SGCZ: variants seen among roughly 807,000 people sequenced by gnomAD.
The protein encoded by SGCZ is sarcoglycan zeta, also known as zeta-sarcoglycan.
SGCZ carries 40 observed loss-of-function variants against 41.3 expected under a neutral mutation model. The ratio of observed to expected loss-of-function variants is 0.97; its 90% confidence interval spans 0.75 to 1.26. The LOEUF (loss-of-function observed/expected upper bound fraction) is 1.26, where lower values mean the gene tolerates loss of function less well. Among genes scored for constraint, SGCZ ranks in the 50% most tolerant of loss-of-function variants. The pLI is 0.00. For synonymous variants in SGCZ, 206 were observed against 137.5 expected (o/e 1.50, Z -3.49); for missense variants, 552 against 369.8 (o/e 1.49, Z -4.04).
chr8:14,398,182 T>G (rs751905960), intron 2 of SGCZ, among the ~76,000 whole-genome samples: 2 of 152,170 alleles, frequency 1.3e-5, no homozygotes, highest in African/African-American at 2.4e-5. Flanking sequence ...CTGATAGACC[T>G]GAATTCAGCT....
chr8:14,422,107 T>C (rs1563318775), intron 2 of SGCZ, among the ~76,000 whole-genome samples: 1 of 152,146 alleles, frequency 6.6e-6, no homozygotes, highest in Non-Finnish European at 1.5e-5. Context: ...GTTTTAACAG[T>C]GGGTTCATTC....
chr8:14,378,702 A>G (rs762927229), intron 2 of SGCZ, among the ~76,000 whole-genome samples: 4 of 152,196 alleles, frequency 2.6e-5, no homozygotes, highest in Non-Finnish European at 5.9e-5. Flanking sequence ...CAGTAGGGAC[A>G]GTCTTGGGGA....
chr8:14,162,686 A>G (rs1013568654), intron 5 of SGCZ: 1 of 152,046 alleles, frequency 6.6e-6, no homozygotes, highest in Admixed American at 6.6e-5. Flanking sequence ...ATTCATGGGG[A>G]CCATCCTAAA....
At chr8:14,749,826 A>C (rs1348074765) in intron 1 of SGCZ, among the ~76,000 whole-genome samples, 1 of 152,184 alleles carries the variant, frequency 6.6e-6, no homozygotes, top group Admixed American at 6.6e-5. Flanking sequence ...AATTTTTAAA[A>C]ATTAACTAAA....
intron 1 of SGCZ, among the ~76,000 whole-genome samples, chr8:14,810,093 C>G (rs1295377848): frequency 6.6e-6 from 1 of 151,744 alleles, no homozygotes; most frequent in African/African-American, 2.4e-5. Flanking sequence ...AATTTCAGTG[C>G]TGAAGGTAAG....
At position 14,851,313 on chromosome 8, in the gene SGCZ, A is replaced by G. The variant is rs181375546; in HGVS notation, c.40-296387T>C. Among the ~76,000 whole-genome samples the G allele has an allele frequency of 6.1e-5, 9 of 148,256 alleles. No individual in the cohort carries two copies. The East Asian group carries it at 1.0e-3, about 16-fold the overall frequency. On this transcript the variant is annotated intron_variant, in intron 1 of 7. Transcript: ENST00000382080. ...GAACCTGGGAGGCAGAGCTTGCAGT[A>G]AGCCAAGATCATGCCACTGCACTCC...
At chr8:14,601,985 T>A (rs893081809) in intron 1 of SGCZ, among the ~76,000 whole-genome samples, 1 of 151,884 alleles carries the variant, frequency 6.6e-6, no homozygotes, top group Non-Finnish European at 1.5e-5. Flanking sequence ...CCGGGCCTGG[T>A]GGCGGGCGCC....
chr8:14,531,929 A>G (rs1803144978), intron 2 of SGCZ, among the ~76,000 whole-genome samples: 1 of 152,132 alleles, frequency 6.6e-6, no homozygotes, highest in African/African-American at 2.4e-5. Context: ...ACAAGCCTTA[A>G]TTTAATAGGA....
chr8:14,932,893 C>A lies in SGCZ; in HGVS notation c.39+304692G>T, dbSNP rs1211365615. 2.6e-5 allele frequency among the ~76,000 whole-genome samples: 4 copies of A among 152,050 alleles called. No individual in the cohort carries two copies. The East Asian group carries it at 7.7e-4, about 29-fold the overall frequency. Reference sequence around the variant, plus strand: ...AACTGTGCATCTAGTGGTAAGTAAGCACTAAATCTGGCATTCATTTCAAGA... The same window carrying A: ...AACTGTGCATCTAGTGGTAAGTAAGAACTAAATCTGGCATTCATTTCAAGA... On this transcript the variant is annotated intron_variant, in intron 1 of 7. Transcript: ENST00000382080.
intron 1 of SGCZ, among the ~76,000 whole-genome samples, chr8:14,762,953 G>A (rs1799938060): frequency 6.6e-6 from 1 of 152,164 alleles, no homozygotes; most frequent in African/African-American, 2.4e-5. Context: ...AAAATTTGCT[G>A]AATCAGTCTG....
intron 2 of SGCZ, among the ~76,000 whole-genome samples, chr8:14,341,184 G>C (rs1436367705): frequency 1.3e-5 from 2 of 152,066 alleles, no homozygotes; most frequent in Non-Finnish European, 2.9e-5. Context: ...CTGTCAATGA[G>C]CACTTGGGTT....
At chr8:14,975,221 A>G (rs1239932404) in intron 1 of SGCZ, among the ~76,000 whole-genome samples, 1 of 152,100 alleles carries the variant, frequency 6.6e-6, no homozygotes, top group Non-Finnish European at 1.5e-5. Context: ...CAGGAGAATC[A>G]TTTGAACCCG....
rs536358385 is a variant in SGCZ, at chr8:14,838,594, C to G, written c.40-283668G>C. ...GAAGCTGTTTACCTCCCCTGCCTTGCTTTTCCCTTAGAATTCCCAGTGAAG... is the reference window on the plus strand; with the variant it reads ...GAAGCTGTTTACCTCCCCTGCCTTGGTTTTCCCTTAGAATTCCCAGTGAAG... On this transcript the variant is annotated intron_variant, in intron 1 of 7. Coordinates refer to ENST00000382080, the MANE Select transcript of SGCZ (RefSeq NM_139167.4). Among the ~76,000 whole-genome samples, 3 of 152,274 alleles carry G rather than the reference C, an allele frequency of 2.0e-5. No individual in the cohort carries two copies. The South Asian group carries it at 6.2e-4, about 32-fold the overall frequency.
chr8:14,286,432 G>T (rs546037877), intron 3 of SGCZ, among the ~76,000 whole-genome samples: 1 of 150,544 alleles, frequency 6.6e-6, no homozygotes, highest in Non-Finnish European at 1.5e-5. Flanking sequence ...AGATAACTCA[G>T]CTGGGACAAA....
At chr8:14,511,319 C>T (rs879584156) in intron 2 of SGCZ, among the ~76,000 whole-genome samples, 5 of 151,994 alleles carry the variant, frequency 3.3e-5, no homozygotes, top group Admixed American at 6.6e-5. Flanking sequence ...TCTATGGCTA[C>T]GTTTTATGGA....
chr8:14,659,587 T>C (rs906039714), intron 1 of SGCZ, among the ~76,000 whole-genome samples: 2 of 152,164 alleles, frequency 1.3e-5, no homozygotes, highest in African/African-American at 4.8e-5. Flanking sequence ...TGAGAGCCCA[T>C]TCCAAAATAT....
chr8:14,600,331 A>T (rs1286674280), intron 1 of SGCZ, among the ~76,000 whole-genome samples: 1 of 152,196 alleles, frequency 6.6e-6, no homozygotes, highest in Non-Finnish European at 1.5e-5. Context: ...CTGATGACTC[A>T]GAAGGGTAAA....
chr8:14,424,796 C>T (rs537088014), intron 2 of SGCZ, among the ~76,000 whole-genome samples: 9 of 152,294 alleles, frequency 5.9e-5, no homozygotes, highest in Admixed American at 5.2e-4. Flanking sequence ...TGTTTGCTAA[C>T]TCTTCCTTCA....
chr8:14,843,953 G>C (rs1803012797), intron 1 of SGCZ, among the ~76,000 whole-genome samples: 1 of 151,646 alleles, frequency 6.6e-6, no homozygotes, highest in Admixed American at 6.6e-5. Flanking sequence ...AGGAAGGAAA[G>C]AAGATTTGAT....
Sources: allele counts gnomAD v4.1 joint callset (sites outside exome capture counted in the v4.1 genomes callset), GRCh38; gene constraint gnomAD v4.1.1; transcripts MANE v1.5; gene names NCBI Gene and HGNC (gene_info 2026-07-23, HGNC 2026-07-21).